PCDHGA7: variants seen among roughly 807,000 people sequenced by gnomAD.
PCDHGA7 encodes protocadherin gamma-A7.
Under a neutral mutation model 58.3 loss-of-function variants are expected in PCDHGA7, and 44 were observed. That is an observed-to-expected ratio of 0.75 (90% CI 0.59 to 0.97). The LOEUF is 0.97. Ranked by LOEUF, PCDHGA7 falls within the 50% of genes least tolerant of loss-of-function variation. The pLI is 0.00. For synonymous variants in PCDHGA7, 516 were observed against 504.2 expected, an observed-to-expected ratio of 1.02 and a Z score of -0.31; for missense variants, 1,266 against 1,188.7, an observed-to-expected ratio of 1.06 and a Z score of -0.96.
intron 1 of PCDHGA7, among the ~76,000 whole-genome samples, chr5:141,460,912 G>GTGTATATATA (rs145509489): frequency 6.7e-6 from 1 of 149,236 alleles, no homozygotes; most frequent in Non-Finnish European, 1.5e-5. Flanking sequence ...ATTCCATGGT[G>GTGTATATATA]TATATATATA....
At position 141,403,188 on chromosome 5, in the gene PCDHGA7, C is replaced by T. The variant is rs763950254; in HGVS notation, c.2424+17865C>T. ...AGGACGCAGCTTTTCTCTCTGAACCCGCGCAGCGGCACCTTGGTCACCGCG... is the reference window on the plus strand; with the variant it reads ...AGGACGCAGCTTTTCTCTCTGAACCTGCGCAGCGGCACCTTGGTCACCGCG... On this transcript the variant is annotated intron_variant, in intron 1 of 3. Coordinates refer to ENST00000518325, the MANE Select transcript of PCDHGA7 (RefSeq NM_018920.4). 5 of 1,613,850 alleles carry T rather than the reference C, an allele frequency of 3.1e-6. No individual in the cohort carries two copies. The African/African-American group carries it at 4.0e-5, about 13-fold the overall frequency.
chr5:141,387,563 A>C (rs1589038442), intron 1 of PCDHGA7: 1 of 438,342 alleles, frequency 2.3e-6, no homozygotes, highest in East Asian at 3.7e-5. Context: ...TTAGGCACAC[A>C]ATTATAATTA....
Position 141,382,950 on chromosome 5 carries a change from C to T in PCDHGA7, c.51C>T (p.Ser17=). The T allele has an allele frequency of 6.2e-7, 1 of 1,600,458 alleles. No homozygotes were observed. Among genetic ancestry groups the T allele is most frequent in the African/African-American group, 1.3e-5 (1 of 74,750 alleles). ...ACTACAGAGGATTCTTCCTGCTCTC[C>T]ATCCTCCTGGGGACCCCCTGGGAAG... ...GGDYRGFFLL[S]ILLGTPWEAW... The change falls in exon 1 of 4, where the codon TCC becomes TCT. Residue 17 remains serine, a synonymous_variant. Transcript: ENST00000518325.
chr5:141,395,136 T>A, intron 1 of PCDHGA7: 1 of 1,614,202 alleles, frequency 6.2e-7, no homozygotes, highest in Non-Finnish European at 8.5e-7. Context: ...CCAGCCCAAC[T>A]ACGCAGACAT....
intron 1 of PCDHGA7, chr5:141,441,653 G>T: frequency 4.1e-6 from 1 of 243,884 alleles, no homozygotes; most frequent in Non-Finnish European, 8.2e-6. Context: ...GATTCTAGGT[G>T]TCCTTGAGCG....
At chr5:141,467,167 C>T (rs2099138606) in intron 1 of PCDHGA7, among the ~76,000 whole-genome samples, 1 of 151,832 alleles carries the variant, frequency 6.6e-6, no homozygotes, top group Non-Finnish European at 1.5e-5. Context: ...ATTCTCATCT[C>T]TCAGCCTCCC....
rs1327490895 is a variant in PCDHGA7, at chr5:141,487,672, G to A, written c.2425-7135G>A. The stretch of plus-strand genomic sequence containing the variant: ...AGGGTTATTCTGATCCAGGCATATG[G>A]CTAGGCCATGTCCTAGAGAGTACTG... On this transcript the variant is annotated intron_variant, in intron 1 of 3. Coordinates refer to ENST00000518325, the MANE Select transcript of PCDHGA7 (RefSeq NM_018920.4). This position sits in a 1 kb window ranked among gnomAD's most constrained non-coding sequence, Gnocchi z 5.0. 6.2e-7 allele frequency: 1 copy of A among 1,611,484 alleles called. No individual in the cohort carries two copies. Among genetic ancestry groups the A allele is most frequent in the Non-Finnish European group, 8.5e-7 (1 of 1,178,612 alleles).
chr5:141,462,423 G>A (rs1367388191), intron 1 of PCDHGA7, among the ~76,000 whole-genome samples: 1 of 151,820 alleles, frequency 6.6e-6, no homozygotes, highest in East Asian at 1.9e-4. Context: ...GTCTATCTTG[G>A]TGAGTGTTGC....
chr5:141,387,422 TA>T (rs1406219674), intron 1 of PCDHGA7, among the ~76,000 whole-genome samples: 1 of 152,248 alleles, frequency 6.6e-6, no homozygotes, highest in Non-Finnish European at 1.5e-5. Context: ...CTTATGTCAA[TA>T]AATGTTTATG....
At chr5:141,435,875 T>C (rs1324511823) in intron 1 of PCDHGA7, among the ~76,000 whole-genome samples, 1 of 152,100 alleles carries the variant, frequency 6.6e-6, no homozygotes, top group African/African-American at 2.4e-5. Flanking sequence ...AGAAAAGAGA[T>C]TGGAAACCCC....
chr5:141,485,421 C>G lies in PCDHGA7; in HGVS notation c.2425-9386C>G. The G allele has an allele frequency of 6.2e-7, 1 of 1,614,112 alleles. No individual in the cohort carries two copies. The highest frequency in any genetic ancestry group is 1.1e-5 in the South Asian group (1 of 91,080). ...TTCCGTGTGGATTTGGACAGCGGAG[C>G]CCTGCTCATCAAGAACCCAATCGAC... On this transcript the variant is annotated intron_variant, in intron 1 of 3. Transcript: ENST00000518325. This position sits in a 1 kb window ranked among gnomAD's most constrained non-coding sequence, Gnocchi z 5.7.
Position 141,487,322 on chromosome 5 carries a change from C to T in PCDHGA7, c.2425-7485C>T, listed in dbSNP as rs760334964. 7.4e-6 allele frequency: 12 copies of T among 1,614,134 alleles called. No homozygotes were observed. Among genetic ancestry groups the T allele is most frequent in the South Asian group, 3.3e-5 (3 of 91,082 alleles). ...CGTGGCACTACTCTCTAAGTGTCTT[C>T]GTGGGGCAGCCTGTGGAGTCACATG... On this transcript the variant is annotated intron_variant, in intron 1 of 3. Coordinates refer to ENST00000518325, the MANE Select transcript of PCDHGA7 (RefSeq NM_018920.4). The surrounding 1 kb of genome is among the most constrained non-coding windows in gnomAD (Gnocchi z 5.0).
At position 141,382,958 on chromosome 5, in the gene PCDHGA7, TG is replaced by T; in HGVS notation, c.63del (p.Thr22ProfsTer56). 6.2e-7 allele frequency: 1 copy of T among 1,606,924 alleles called. No individual in the cohort carries two copies. The highest frequency in any genetic ancestry group is 1.7e-4 in the Middle Eastern group (1 of 6,026). ...YRGFFLLSIL[L>X]GTPWEAWAGR... ...GGATTCTTCCTGCTCTCCATCCTCC[TG>T]GGGACCCCCTGGGAAGCCTGGGCAG... is the stretch of plus-strand genomic sequence containing the variant. On this transcript the variant is annotated frameshift_variant, in exon 1 of 4. Transcript: ENST00000518325. LOFTEE classifies it high-confidence loss of function.
In PCDHGA7 at chr5:141,432,460, C is replaced by T; in HGVS notation, c.2424+47137C>T. The T allele has an allele frequency of 6.2e-7, 1 of 1,614,208 alleles. No homozygotes were observed. The highest frequency in any genetic ancestry group is 8.5e-7 in the Non-Finnish European group (1 of 1,180,044). On this transcript the variant is annotated intron_variant, in intron 1 of 3. Transcript: ENST00000518325. This position sits in a 1 kb window ranked among gnomAD's most constrained non-coding sequence, Gnocchi z 6.0. ...CGCCCGAGATCCTGTACCCCGCCCTCCCCACGGACGGTTCCACTGGCGTGG... is the reference window on the plus strand; with the variant it reads ...CGCCCGAGATCCTGTACCCCGCCCTTCCCACGGACGGTTCCACTGGCGTGG...
chr5:141,456,020 C>T (rs2098840631), intron 1 of PCDHGA7, among the ~76,000 whole-genome samples: 1 of 151,834 alleles, frequency 6.6e-6, no homozygotes, highest in South Asian at 2.1e-4. Flanking sequence ...GCCTCAGCCT[C>T]CCGAGTAGCT....
chr5:141,471,208 C>G (rs559571022), intron 1 of PCDHGA7: 1 of 151,664 alleles, frequency 6.6e-6, no homozygotes, highest in Non-Finnish European at 1.5e-5. Context: ...CACCCCCATG[C>G]CTGGCAATTT....
At chr5:141,479,206 T>C (rs987807222) in intron 1 of PCDHGA7, 3 of 152,400 alleles carry the variant, frequency 2.0e-5, no homozygotes, top group African/African-American at 7.2e-5. Context: ...CAGAAAAGTA[T>C]TTAAAAAATT....
intron 1 of PCDHGA7, chr5:141,409,801 G>A: frequency 1.2e-6 from 2 of 1,611,946 alleles, no homozygotes; most frequent in South Asian, 2.2e-5. Context: ...TCACGCTGCA[G>A]GCCCGCGACC....
chr5:141,477,301 C>T lies in PCDHGA7; in HGVS notation c.2425-17506C>T, dbSNP rs756549446. The T allele has an allele frequency of 6.2e-7, 1 of 1,614,160 alleles. No homozygotes were observed. Among genetic ancestry groups the T allele is most frequent in the East Asian group, 2.2e-5 (1 of 44,872 alleles). Reference sequence around the variant, plus strand: ...TGACCTGCGAAGTTCCACCGGGTCTCCCTTTCAGCCTTACTTCTTCCCTCA... The same window carrying T: ...TGACCTGCGAAGTTCCACCGGGTCTTCCTTTCAGCCTTACTTCTTCCCTCA... On this transcript the variant is annotated intron_variant, in intron 1 of 3. Coordinates refer to ENST00000518325, the MANE Select transcript of PCDHGA7 (RefSeq NM_018920.4). The surrounding 1 kb of genome is among the most constrained non-coding windows in gnomAD (Gnocchi z 4.9).
Sources: gnomAD v4.1 joint callset for allele counts (sites outside exome capture counted in the v4.1 genomes callset) on GRCh38, gnomAD v4.1.1 for gene constraint, Gnocchi (gnomAD v3.1) non-coding constraint, MANE v1.5 for transcripts, NCBI Gene and HGNC (gene_info 2026-07-23, HGNC 2026-07-21) for gene names.